CHODL: variants seen among roughly 807,000 people sequenced by gnomAD.
CHODL encodes the protein transmembrane protein MT75.
Under a neutral mutation model 34.5 loss-of-function variants are expected in CHODL, and 29 were observed. The observed-to-expected ratio is 0.84, with a 90% CI of 0.63 to 1.15. The LOEUF (loss-of-function observed/expected upper bound fraction) is 1.15. Ranked by LOEUF, CHODL falls within the 50% of genes most tolerant of loss-of-function variation. The pLI, the probability that CHODL is intolerant of heterozygous loss-of-function variation, is 0.00. For synonymous variants in CHODL, 125 were observed against 116.1 expected, an observed-to-expected ratio of 1.08 and a Z score of -0.49; for missense variants, 332 against 332.5, an observed-to-expected ratio of 1.00 and a Z score of 0.01.
intron 1 of CHODL, among the ~76,000 whole-genome samples, chr21:18,255,557 CCAA>C (rs2074305475): frequency 6.6e-6 from 1 of 151,976 alleles, no homozygotes; most frequent in Non-Finnish European, 1.5e-5. Context: ...ACCAGTTTGG[CCAA>C]ATTTCAGCCT....
At chr21:18,248,009 CT>C (rs3077959) in intron 1 of CHODL, among the ~76,000 whole-genome samples, 1,925 of 144,028 alleles carry the variant, frequency 0.013, 25 homozygotes, top group African/African-American at 0.041. Flanking sequence ...TAATGTGTTT[CT>C]TTTTTTTTTT....
At chr21:18,252,913 G>A (rs1447611596) in intron 1 of CHODL, among the ~76,000 whole-genome samples, 1 of 152,018 alleles carries the variant, frequency 6.6e-6, no homozygotes, top group Non-Finnish European at 1.5e-5. Context: ...CACAACCAGA[G>A]ACACAGCCTG....
At chr21:18,050,183 C>T (rs946157634) in intron 2 of CHODL, among the ~76,000 whole-genome samples, 1 of 151,890 alleles carries the variant, frequency 6.6e-6, no homozygotes. Flanking sequence ...CACAGAGGGA[C>T]ATTTTCCTCA....
At chr21:18,232,941 TGATATATA>T (rs1362795122) in intron 2 of CHODL, among the ~76,000 whole-genome samples, 6 of 97,620 alleles carry the variant, frequency 6.1e-5, no homozygotes, top group Non-Finnish European at 9.6e-5. Context: ...CATGATGTTA[TGATATATA>T]TATATATATA....
chr21:18,213,976 T>C (rs183441630), intron 2 of CHODL, among the ~76,000 whole-genome samples: 118 of 152,150 alleles, frequency 7.8e-4, no homozygotes, highest in Non-Finnish European at 1.3e-3. Context: ...TCTTCTATAC[T>C]GGGAAGGTGC....
intron 2 of CHODL, among the ~76,000 whole-genome samples, chr21:18,103,325 A>T (rs566718997): frequency 2.2e-4 from 33 of 152,356 alleles, no homozygotes; most frequent in African/African-American, 5.5e-4. Flanking sequence ...CAGTAGAGGT[A>T]CTAAGAAATA....
intron 1 of CHODL, among the ~76,000 whole-genome samples, chr21:17,999,499 G>T (rs977856171): frequency 6.6e-6 from 1 of 152,008 alleles, no homozygotes; most frequent in African/African-American, 2.4e-5. Context: ...AAACACATAC[G>T]TGAAACTGTG....
At position 17,945,833 on chromosome 21, in the gene CHODL, C is replaced by T. The variant is rs574441734; in HGVS notation, c.-145+28433C>T. ...ACTATCAAAAATTAAAGACTAATAA[C>T]AAATTCTAAAAGCAGCAAGAGATGA... On this transcript the variant is annotated intron_variant, in intron 1 of 6. Transcript: ENST00000400127. 1.9e-3 allele frequency among the ~76,000 whole-genome samples: 286 copies of T among 152,046 alleles called. 6 individuals are homozygous for T. Among genetic ancestry groups the T allele is most frequent in the Non-Finnish European group, 1.2e-3 (80 of 67,972 alleles).
At chr21:18,104,059 A>T (rs571139734) in intron 2 of CHODL, among the ~76,000 whole-genome samples, 1 of 152,078 alleles carries the variant, frequency 6.6e-6, no homozygotes, top group African/African-American at 2.4e-5. Flanking sequence ...CTCCTCTTTT[A>T]TTTTTCATGT....
intron 2 of CHODL, among the ~76,000 whole-genome samples, chr21:18,174,077 T>C (rs1601104407): frequency 1.4e-5 from 1 of 73,424 alleles, no homozygotes; most frequent in Non-Finnish European, 3.7e-5. Flanking sequence ...GGCAGGGAGG[T>C]AGAAGGGGAA....
At chr21:18,153,792 T>C (rs909498512) in intron 2 of CHODL, among the ~76,000 whole-genome samples, 12 of 152,104 alleles carry the variant, frequency 7.9e-5, no homozygotes, top group Non-Finnish European at 2.9e-5. Flanking sequence ...ATGAATAATA[T>C]TAAGATACCA....
intron 1 of CHODL, among the ~76,000 whole-genome samples, chr21:17,960,060 A>G (rs2063520844): frequency 6.6e-6 from 1 of 152,136 alleles, no homozygotes; most frequent in Non-Finnish European, 1.5e-5. Flanking sequence ...CTTGTGTTGG[A>G]TGACGTAGCT....
At chr21:17,918,605 C>T (rs139652313) in intron 1 of CHODL, among the ~76,000 whole-genome samples, 1 of 152,216 alleles carries the variant, frequency 6.6e-6, no homozygotes, top group East Asian at 1.9e-4. Flanking sequence ...GTGGGAGTTG[C>T]AATTTAAGAT....
chr21:17,975,829 G>C (rs949256965), intron 1 of CHODL, among the ~76,000 whole-genome samples: 2 of 151,926 alleles, frequency 1.3e-5, no homozygotes, highest in African/African-American at 4.8e-5. Context: ...ATTATTGTCA[G>C]TCATTAATAA....
intron 2 of CHODL, among the ~76,000 whole-genome samples, chr21:18,124,498 A>G (rs1272954207): frequency 6.6e-6 from 1 of 152,224 alleles, no homozygotes; most frequent in Admixed American, 6.5e-5. Flanking sequence ...ATCTGGTTCC[A>G]TATGCTCAAA....
chr21:17,917,794 G>T (rs1174321687), intron 1 of CHODL, among the ~76,000 whole-genome samples: 1 of 152,020 alleles, frequency 6.6e-6, no homozygotes, highest in Admixed American at 6.6e-5. Flanking sequence ...GGAGGTAAAT[G>T]AATGATATTT....
chr21:17,929,426 T>A lies in CHODL; in HGVS notation c.-145+12026T>A, dbSNP rs115278891. On this transcript the variant is annotated intron_variant, in intron 1 of 6. Coordinates refer to the CHODL transcript ENST00000400127. ...AAGCAGCTAGTGGGTTCCTCTTCCATGGAGATGAATCAAAATAGTAAATAT... is the reference window on the plus strand; with the variant it reads ...AAGCAGCTAGTGGGTTCCTCTTCCAAGGAGATGAATCAAAATAGTAAATAT... 7.6e-3 allele frequency among the ~76,000 whole-genome samples: 1,161 copies of A among 152,342 alleles called. 20 individuals are homozygous for A. Among genetic ancestry groups the A allele is most frequent in the African/African-American group, 0.026 (1,081 of 41,580 alleles).
intron 2 of CHODL, among the ~76,000 whole-genome samples, chr21:18,029,243 G>C (rs536093749): frequency 6.6e-6 from 1 of 152,154 alleles, no homozygotes; most frequent in African/African-American, 2.4e-5. Flanking sequence ...CAGACTCTAG[G>C]CAATGTGTTA....
At chr21:17,994,100 C>CAATA (rs1163850423) in intron 1 of CHODL, among the ~76,000 whole-genome samples, 26 of 152,044 alleles carry the variant, frequency 1.7e-4, no homozygotes, top group Admixed American at 1.7e-3. Context: ...TTTTAGGTCT[C>CAATA]TATTGAGTTC....
Sources: gnomAD v4.1 joint callset for allele counts (sites outside exome capture counted in the v4.1 genomes callset) on GRCh38, gnomAD v4.1.1 for gene constraint, MANE v1.5 for transcripts, NCBI Gene and HGNC (gene_info 2026-07-23, HGNC 2026-07-21) for gene names.